The following TRPC4 variants were observed in gnomAD, a reference collection of about 807,000 sequenced individuals.
TRPC4 encodes the protein short transient receptor potential channel 4.
In TRPC4, 49 loss-of-function variants were observed where a neutral mutation model predicts 99.4. That is an observed-to-expected ratio of 0.49 (90% CI 0.39 to 0.63). The LOEUF (loss-of-function observed/expected upper bound fraction) is 0.63. Ranked by LOEUF, TRPC4 falls within the 20% of genes least tolerant of loss-of-function variation. TRPC4 has a pLI of 0.00. For synonymous variants in TRPC4, 454 were observed against 425.9 expected (o/e 1.07, Z -0.81); for missense variants, 898 against 1,152.9 (o/e 0.78, Z 3.20).
At chr13:37,699,023 A>C (rs1241248250) in intron 3 of TRPC4, among the ~76,000 whole-genome samples, 1 of 152,200 alleles carries the variant, frequency 6.6e-6, no homozygotes, top group African/African-American at 2.4e-5. Flanking sequence ...TGTAGGGATT[A>C]AGAGCACATA....
At chr13:37,829,961 T>C (rs913529634) in intron 1 of TRPC4, among the ~76,000 whole-genome samples, 1 of 152,098 alleles carries the variant, frequency 6.6e-6, no homozygotes, top group African/African-American at 2.4e-5. Context: ...AGAAAGTAGA[T>C]CAGTGATTGC....
intron 3 of TRPC4, among the ~76,000 whole-genome samples, chr13:37,702,054 G>T (rs1473460350): frequency 6.6e-6 from 1 of 152,022 alleles, no homozygotes; most frequent in Non-Finnish European, 1.5e-5. Context: ...CTTGACTTTA[G>T]CAACCTTCTG....
intron 3 of TRPC4, among the ~76,000 whole-genome samples, chr13:37,730,987 T>G (rs1173674592): frequency 6.6e-6 from 1 of 152,034 alleles, no homozygotes; most frequent in Non-Finnish European, 1.5e-5. Flanking sequence ...TTAAAAATCC[T>G]AAACTTACAA....
chr13:37,710,746 C>A (rs1279190875), intron 3 of TRPC4, among the ~76,000 whole-genome samples: 1 of 151,836 alleles, frequency 6.6e-6, no homozygotes, highest in South Asian at 2.1e-4. Context: ...TCTGTCTTGT[C>A]TCTAAGGTAT....
chr13:37,703,336 G>A (rs930805703), intron 3 of TRPC4, among the ~76,000 whole-genome samples: 1 of 151,924 alleles, frequency 6.6e-6, no homozygotes, highest in African/African-American at 2.4e-5. Context: ...GTTGATAAGT[G>A]GTACAACGTC....
At chr13:37,648,830 C>T (rs1951930485) in intron 8 of TRPC4, among the ~76,000 whole-genome samples, 1 of 152,128 alleles carries the variant, frequency 6.6e-6, no homozygotes, top group Admixed American at 6.6e-5. Flanking sequence ...GGGTTGGAAG[C>T]CAAGTTTTTG....
At chr13:37,703,888 T>C (rs1274072464) in intron 3 of TRPC4, among the ~76,000 whole-genome samples, 1 of 152,098 alleles carries the variant, frequency 6.6e-6, no homozygotes, top group Non-Finnish European at 1.5e-5. Context: ...TAAAAATTTA[T>C]ATACATAAAA....
rs118023048 is a variant in TRPC4 at position 37,819,563 on chromosome 13, C to T, written c.-27-36203G>A. Among the ~76,000 whole-genome samples, 1,392 of 151,974 alleles carry T rather than the reference C, an allele frequency of 9.2e-3. 35 individuals are homozygous for T. In the East Asian group the frequency reaches 0.1, roughly 11 times the overall value. On this transcript the variant is annotated intron_variant, in intron 1 of 10. Transcript: ENST00000379705. ...GAGGCCATTATCTTTAGCAAACTAA[C>T]GCAGGAACAGGAAATCAAATTTTGC... is the stretch of plus-strand genomic sequence containing the variant.
chr13:37,745,529 T>C lies in TRPC4; in HGVS notation c.897+408A>G, dbSNP rs936954536. On this transcript the variant is annotated intron_variant, in intron 3 of 10. Transcript: ENST00000379705. The stretch of plus-strand genomic sequence containing the variant: ...ATATGTATATATATACGTATATATG[T>C]ATATATACGTATATATATATATATA... 3.8e-4 allele frequency among the ~76,000 whole-genome samples: 29 copies of C among 76,870 alleles called. 1 individual carries two copies. Among genetic ancestry groups the C allele is most frequent in the East Asian group, 7.6e-4 (1 of 1,324 alleles). The allele number at this position is 76,870 out of a possible 152,430, so 50.4% of individuals were successfully genotyped here. A position where few individuals can be genotyped will look rare whatever the true frequency, so the allele number is the denominator to read the frequency against.
At chr13:37,837,919 T>C (rs1593293301) in intron 1 of TRPC4, among the ~76,000 whole-genome samples, 1 of 152,250 alleles carries the variant, frequency 6.6e-6, no homozygotes, top group East Asian at 1.9e-4. Context: ...GGCAAATTTT[T>C]CCCATGCTAT....
At chr13:37,733,776 G>T (rs937958364) in intron 3 of TRPC4, among the ~76,000 whole-genome samples, 2 of 152,070 alleles carry the variant, frequency 1.3e-5, no homozygotes, top group African/African-American at 4.8e-5. Context: ...GATTGAAACT[G>T]CACTAATAAT....
Position 37,752,075 on chromosome 13 carries a change from C to CTATATATATATATATA in TRPC4, c.379-5636_379-5621dup, listed in dbSNP as rs10528143. 9.7e-3 allele frequency among the ~76,000 whole-genome samples: 715 copies of CTATATATATATATATA among 73,890 alleles called. 116 individuals are homozygous for CTATATATATATATATA. Among genetic ancestry groups the CTATATATATATATATA allele is most frequent in the African/African-American group, 0.038 (661 of 17,544 alleles). The allele number at this position is 73,890 out of a possible 152,430, so 48.5% of individuals were successfully genotyped here. ...TACCAAAACCTGATAAAGCAGAAAACTATATATATATATATATATATGACT... is the reference window on the plus strand; with the variant it reads ...TACCAAAACCTGATAAAGCAGAAAACTATATATATATATATATATATATATATATATATATATGACT... On this transcript the variant is annotated intron_variant, in intron 2 of 10. Transcript: ENST00000379705.
chr13:37,659,161 T>C (rs9566246), intron 6 of TRPC4, among the ~76,000 whole-genome samples: 56,444 of 151,670 alleles, frequency 0.37, 10,922 homozygotes, highest in African/African-American at 0.44. Flanking sequence ...AAAGTGGGGC[T>C]TAGAGGGATG....
chr13:37,842,443 A>T (rs1399090462), intron 1 of TRPC4, among the ~76,000 whole-genome samples: 3 of 151,878 alleles, frequency 2.0e-5, no homozygotes, highest in Non-Finnish European at 2.9e-5. Flanking sequence ...AAAGAAAAAG[A>T]AAGAGTTGGT....
Position 37,637,357 on chromosome 13 carries a change from T to G in TRPC4, c.2480A>C (p.Glu827Ala), listed in dbSNP as rs1186040432. 4 of 1,613,720 alleles carry G rather than the reference T, an allele frequency of 2.5e-6. No homozygotes were observed. Among genetic ancestry groups the G allele is most frequent in the Non-Finnish European group, 3.4e-6 (4 of 1,179,894 alleles). ...TTTTCTCTGCTTCTCCCTGGGCGGC[T>G]CCTGAACCACCAGGGCAGAGCCATT... The part of the protein sequence containing the change: ...ISNGSALVVQ[E>A]PPREKQRKVN... Residue 827 changes from glutamate to alanine, a missense_variant, in exon 11 of 11, where the codon GAG becomes GCG. Physicochemically the swap from Glu to Ala is moderately radical, Grantham distance 107 (BLOSUM62 -1). This residue lies in a region of TRPC4 where 346 missense variants were observed against 351.4 expected (regional missense o/e 0.98). Coordinates refer to ENST00000379705, the MANE Select transcript of TRPC4 (RefSeq NM_016179.4).
At chr13:37,766,289 C>T (rs191844661) in intron 2 of TRPC4, among the ~76,000 whole-genome samples, 1 of 151,504 alleles carries the variant, frequency 6.6e-6, no homozygotes, top group East Asian at 2.0e-4. Flanking sequence ...TCTTAACCCA[C>T]TTTGAATGTA....
chr13:37,754,043 A>C (rs1196363323), intron 2 of TRPC4, among the ~76,000 whole-genome samples: 1 of 152,148 alleles, frequency 6.6e-6, no homozygotes, highest in Non-Finnish European at 1.5e-5. Context: ...GGTTGACTGC[A>C]GCTGAGGCAA....
chr13:37,724,199 C>T (rs191468140), intron 3 of TRPC4, among the ~76,000 whole-genome samples: 45 of 152,074 alleles, frequency 3.0e-4, no homozygotes, highest in Non-Finnish European at 5.9e-4. Flanking sequence ...CAGCCATACA[C>T]ATAACATAAT....
intron 2 of TRPC4, among the ~76,000 whole-genome samples, chr13:37,757,209 G>A (rs1481941619): frequency 6.6e-6 from 1 of 152,020 alleles, no homozygotes; most frequent in Non-Finnish European, 1.5e-5. Flanking sequence ...TAGTGTAATA[G>A]TGATACGATA....
Sources: gnomAD v4.1 joint callset for allele counts (sites outside exome capture counted in the v4.1 genomes callset) on GRCh38, gnomAD v4.1.1 for gene constraint, gnomAD v4.1.1 regional missense constraint, MANE v1.5 for transcripts, NCBI Gene and HGNC (gene_info 2026-07-23, HGNC 2026-07-21) for gene names.